Variants in ARHGEF28 observed in about 807,000 individuals in gnomAD.
ARHGEF28 encodes Rho guanine nucleotide exchange factor 28.
ARHGEF28 carries 152 observed loss-of-function variants against 206.6 expected under a neutral mutation model. The ratio of observed to expected loss-of-function variants is 0.74; its 90% CI spans 0.64 to 0.84. The LOEUF (loss-of-function observed/expected upper bound fraction) is 0.84, where lower values mean the gene tolerates loss of function less well. Among genes scored for constraint, ARHGEF28 ranks in the 40% least tolerant of loss-of-function variants. ARHGEF28 has a pLI of 0.00. For synonymous variants in ARHGEF28, 763 were observed against 776.4 expected (o/e 0.98, Z 0.29); for missense variants, 2,028 against 2,073.2 (o/e 0.98, Z 0.42).
intron 9 of ARHGEF28, among the ~76,000 whole-genome samples, chr5:73,812,148 A>G (rs1755877772): frequency 6.6e-6 from 1 of 152,200 alleles, no homozygotes; most frequent in Admixed American, 6.5e-5. Flanking sequence ...ATTTTGATTT[A>G]AATTTGAAAT....
chr5:73,930,408 C>T (rs1002114423), intron 35 of ARHGEF28, among the ~76,000 whole-genome samples: 2 of 152,144 alleles, frequency 1.3e-5, no homozygotes, highest in East Asian at 3.8e-4. Context: ...ATTTCCTGTT[C>T]ATAAAAGTTT....
At chr5:73,915,673 C>A (rs572246099) in intron 35 of ARHGEF28, among the ~76,000 whole-genome samples, 55 of 152,224 alleles carry the variant, frequency 3.6e-4, no homozygotes, top group South Asian at 1.2e-3. Context: ...ACATTTTATT[C>A]TTGTGGCTTT....
chr5:73,756,062 C>G (rs1171174972), intron 4 of ARHGEF28, among the ~76,000 whole-genome samples: 1 of 152,238 alleles, frequency 6.6e-6, no homozygotes, highest in East Asian at 1.9e-4. Flanking sequence ...CTTATTACCT[C>G]CTGGCTGTGA....
rs191990268 is a variant in ARHGEF28 at position 73,675,594 on chromosome 5, G to A, written c.-11-9247G>A. 7.2e-3 allele frequency among the ~76,000 whole-genome samples: 1,088 copies of A among 151,892 alleles called. 15 individuals are homozygous for A. The highest frequency in any genetic ancestry group is 0.024 in the African/African-American group (993 of 41,432). ...AAAAATACAAAAAAATTAGCTGGGC[G>A]TGGTGACGGGTGCCTGTGGTCCCAG... is the stretch of plus-strand genomic sequence containing the variant. On this transcript the variant is annotated intron_variant, in intron 1 of 35. Transcript: ENST00000513042.
At chr5:73,838,416 T>C (rs910190920) in intron 10 of ARHGEF28, among the ~76,000 whole-genome samples, 1 of 152,258 alleles carries the variant, frequency 6.6e-6, no homozygotes, top group African/African-American at 2.4e-5. Context: ...AAAACATTAC[T>C]AGCTTATATT....
At chr5:73,672,079 G>A (rs1409399841) in intron 1 of ARHGEF28, among the ~76,000 whole-genome samples, 1 of 152,012 alleles carries the variant, frequency 6.6e-6, no homozygotes. Context: ...TGTAGGAAAA[G>A]CTAGAATATA....
At chr5:73,767,845 G>A (rs58625385) in intron 4 of ARHGEF28, among the ~76,000 whole-genome samples, 13,957 of 152,194 alleles carry the variant, frequency 0.092, 1,372 homozygotes, top group African/African-American at 0.24. Context: ...AGGGCTTCAT[G>A]GGAGCCCCTC....
At chr5:73,881,570 T>C (rs1760953832) in intron 22 of ARHGEF28, among the ~76,000 whole-genome samples, 1 of 152,236 alleles carries the variant, frequency 6.6e-6, no homozygotes, top group Non-Finnish European at 1.5e-5. Context: ...GAATTATCAT[T>C]TGAGGCTTAT....
intron 1 of ARHGEF28, among the ~76,000 whole-genome samples, chr5:73,628,247 A>C (rs1251470331): frequency 2.0e-5 from 3 of 152,206 alleles, no homozygotes; most frequent in Admixed American, 6.5e-5. Flanking sequence ...CCGTGAGAAA[A>C]GACTATGTGT....
In ARHGEF28 at chr5:73,878,490, T is replaced by A. The variant is rs372002142; in HGVS notation, c.2815-3982T>A. ...TTATGATGTTAGCTGGTTATTTGCCTCGTTAGTTGATGCAGTCTCTTCCTA... is the reference window on the plus strand; with the variant it reads ...TTATGATGTTAGCTGGTTATTTGCCACGTTAGTTGATGCAGTCTCTTCCTA... On this transcript the variant is annotated intron_variant, in intron 22 of 35. Transcript: ENST00000513042. Among the ~76,000 whole-genome samples the A allele has an allele frequency of 5.9e-5, 9 of 152,248 alleles. No individual in the cohort carries two copies. In the East Asian group the frequency reaches 1.5e-3, roughly 26 times the overall value.
chr5:73,795,570 G>T (rs2112487836), intron 9 of ARHGEF28, 179 bp downstream of exon 9: 1 of 543,836 alleles, frequency 1.8e-6, no homozygotes, highest in Non-Finnish European at 3.2e-6. Flanking sequence ...GACTCTAGAG[G>T]TTGAGACTCC....
At chr5:73,658,139 T>TAAA (rs35220235) in intron 1 of ARHGEF28, among the ~76,000 whole-genome samples, 6 of 146,536 alleles carry the variant, frequency 4.1e-5, no homozygotes, top group Admixed American at 6.8e-5. Context: ...GTCCTTTTTT[T>TAAA]AAAAAAAAAA....
chr5:73,675,996 G>T (rs927761887), intron 1 of ARHGEF28, among the ~76,000 whole-genome samples: 1 of 151,514 alleles, frequency 6.6e-6, no homozygotes, highest in African/African-American at 2.4e-5. Flanking sequence ...TTAAGGAGGG[G>T]GGTGTGAAAT....
intron 30 of ARHGEF28, chr5:73,900,098 G>GT: frequency 6.6e-6 from 1 of 152,188 alleles, no homozygotes; most frequent in Non-Finnish European, 1.5e-5. Flanking sequence ...AAATGGACTT[G>GT]TTTTTAGCTG....
chr5:73,684,772 G>C (rs1580479700), intron 1 of ARHGEF28, 69 bp from the exon 2 acceptor site: 2 of 1,385,234 alleles, frequency 1.4e-6, no homozygotes, highest in East Asian at 4.7e-5. Flanking sequence ...TTGATAACTG[G>C]AGAGCTCTGC....
chr5:73,752,863 A>G (rs1157493612), intron 3 of ARHGEF28, 46 bp from the exon 4 acceptor site: 15 of 1,605,542 alleles, frequency 9.3e-6, no homozygotes, highest in Non-Finnish European at 1.3e-5. Flanking sequence ...CTGTGAGAGC[A>G]TCTCCTACAG....
At chr5:73,772,333 G>C (rs887332523) in intron 4 of ARHGEF28, among the ~76,000 whole-genome samples, 1 of 152,132 alleles carries the variant, frequency 6.6e-6, no homozygotes, top group Non-Finnish European at 1.5e-5. Context: ...TGAAGGGGGA[G>C]CTGTGAGGTG....
chr5:73,749,216 T>C (rs1751899728), intron 2 of ARHGEF28, among the ~76,000 whole-genome samples: 2 of 152,188 alleles, frequency 1.3e-5, no homozygotes, highest in Non-Finnish European at 2.9e-5. Flanking sequence ...TATTTGGCAA[T>C]GTTTGTAAAT....
At chr5:73,794,375 A>G (rs1228314204) in intron 7 of ARHGEF28, 27 bp from the exon 8 acceptor site, 1 of 1,569,282 alleles carries the variant, frequency 6.4e-7, no homozygotes. Flanking sequence ...TCCCATCAGC[A>G]GATCCTGATA....
Sources: gnomAD v4.1 joint callset for allele counts (sites outside exome capture counted in the v4.1 genomes callset) on GRCh38, gnomAD v4.1.1 for gene constraint, MANE v1.5 for transcripts, NCBI Gene and HGNC (gene_info 2026-07-23, HGNC 2026-07-21) for gene names.